The following VIPR2 variants were observed in gnomAD, a reference collection of about 807,000 sequenced individuals.
The protein encoded by VIPR2 is vasoactive intestinal polypeptide receptor 2.
VIPR2 carries 48 observed loss-of-function variants against 58.0 expected under a neutral mutation model. That is an observed-to-expected ratio of 0.83 (90% CI 0.66 to 1.05). VIPR2 has a LOEUF of 1.05. VIPR2 is among the 50% of genes least tolerant of loss of function. The probability of loss-of-function intolerance (pLI) is 0.00; values close to 1 mark genes in which losing one functional copy is unlikely to be tolerated. For synonymous variants in VIPR2, 243 were observed against 235.2 expected, an observed-to-expected ratio of 1.03 and a Z score of -0.30; for missense variants, 534 against 558.0, an observed-to-expected ratio of 0.96 and a Z score of 0.43.
chr7:159,033,586 G>A (rs1270188479), intron 10 of VIPR2, among the ~76,000 whole-genome samples: 1 of 152,190 alleles, frequency 6.6e-6, no homozygotes, highest in Non-Finnish European at 1.5e-5. Context: ...GGGGGTGACT[G>A]GCTGAACGTC....
intron 4 of VIPR2, among the ~76,000 whole-genome samples, chr7:159,088,398 A>G (rs1174519034): frequency 2.0e-5 from 3 of 152,016 alleles, no homozygotes; most frequent in Admixed American, 6.6e-5. Context: ...CACAAGCTGC[A>G]GCACAGCTGT....
chr7:159,058,555 C>T lies in VIPR2; in HGVS notation c.381G>A (p.Lys127=), dbSNP rs779679214. 6.2e-7 allele frequency: 1 copy of T among 1,612,748 alleles called. No homozygotes were observed. The highest frequency in any genetic ancestry group is 8.5e-7 in the Non-Finnish European group (1 of 1,178,910). Reference sequence around the variant, plus strand: ...CACTGTAGCCCAGTGTATAAATGGCCTTCACCAGAATATAAAACGTGATCT... The same window carrying T: ...CACTGTAGCCCAGTGTATAAATGGCTTTCACCAGAATATAAAACGTGATCT... ...ESKITFYILV[K]AIYTLGYSVS... is the part of the protein sequence containing the mutation. The change falls in exon 5 of 13, where the codon AAG becomes AAA. Residue 127 remains lysine, a synonymous_variant. Transcript: ENST00000262178.
rs1858086295 is a variant in VIPR2, at chr7:159,099,634, G to A, written c.357+4123C>T. Among the ~76,000 whole-genome samples the A allele has an allele frequency of 6.6e-6, 1 of 152,176 alleles. No individual in the cohort carries two copies. The highest frequency in any genetic ancestry group is 6.5e-5 in the Admixed American group (1 of 15,282). The stretch of plus-strand genomic sequence containing the variant: ...GGGGCTCTGGGTGACGCTGCTGGGG[G>A]CCTTGGTCTCTGCTCTTCACCAGCA... On this transcript the variant is annotated intron_variant, in intron 4 of 12. Transcript: ENST00000262178. This position sits in a 1 kb window ranked among gnomAD's most constrained non-coding sequence, Gnocchi z 4.2.
rs115578051 is a variant in VIPR2, at chr7:159,096,345, G to A, written c.357+7412C>T. Among the ~76,000 whole-genome samples, 865 of 152,258 alleles carry A rather than the reference G, an allele frequency of 5.7e-3. 7 individuals are homozygous for A. Among genetic ancestry groups the A allele is most frequent in the African/African-American group, 0.02 (826 of 41,552 alleles). Reference sequence around the variant, plus strand: ...CACGTACCTCCCCTCCTCCGGCATCGGCCAGCTCCATGCCCAGAAGCGCCT... The same window carrying A: ...CACGTACCTCCCCTCCTCCGGCATCAGCCAGCTCCATGCCCAGAAGCGCCT... On this transcript the variant is annotated intron_variant, in intron 4 of 12. Coordinates refer to ENST00000262178, the MANE Select transcript of VIPR2 (RefSeq NM_003382.5). This position sits in a 1 kb window ranked among gnomAD's most constrained non-coding sequence, Gnocchi z 5.5.
Position 159,046,073 on chromosome 7 carries a change from T to C in VIPR2, c.456-2897A>G, listed in dbSNP as rs546074009. Among the ~76,000 whole-genome samples the C allele has an allele frequency of 1.9e-4, 29 of 151,960 alleles. No homozygotes were observed. In the South Asian group the frequency reaches 5.6e-3, roughly 29 times the overall value. On this transcript the variant is annotated intron_variant, in intron 5 of 12. Coordinates refer to ENST00000262178, the MANE Select transcript of VIPR2 (RefSeq NM_003382.5). ...ATAATAATAAATTAAGAAAACAAAA[T>C]AAAAAGTATTGGATGGGTGTGAAGA...
At chr7:159,035,352 G>A (rs1416641639) in intron 8 of VIPR2, among the ~76,000 whole-genome samples, 1 of 152,228 alleles carries the variant, frequency 6.6e-6, no homozygotes, top group Non-Finnish European at 1.5e-5. Flanking sequence ...GTCATCAGGT[G>A]CAGAATCACA....
At chr7:159,074,168 AACTAT>A (rs1357616244) in intron 4 of VIPR2, among the ~76,000 whole-genome samples, 2 of 152,228 alleles carry the variant, frequency 1.3e-5, no homozygotes, top group African/African-American at 2.4e-5. Context: ...TAATCAGTAA[AACTAT>A]CAAGTAAATT....
chr7:159,042,970 C>T (rs745626616), intron 6 of VIPR2, 65 bp downstream of exon 6: 137 of 1,566,796 alleles, frequency 8.7e-5, no homozygotes, highest in Non-Finnish European at 1.1e-4. Context: ...ACGTCCTCAT[C>T]GTGAGAAGAG....
chr7:159,121,057 TG>T (rs1173358190), intron 2 of VIPR2, among the ~76,000 whole-genome samples: 1 of 152,132 alleles, frequency 6.6e-6, no homozygotes, highest in East Asian at 1.9e-4. Context: ...AAATAACCTT[TG>T]GGGCAGAAAC....
In VIPR2 at chr7:159,034,249, G is replaced by T; in HGVS notation, c.935C>A (p.Ser312Tyr). The T allele has an allele frequency of 1.2e-6, 2 of 1,614,094 alleles. No individual in the cohort carries two copies. The highest frequency in any genetic ancestry group is 1.1e-5 in the South Asian group (1 of 91,086). Residue 312 changes from serine (S) to tyrosine (Y), a missense_variant, in exon 10 of 13, where the codon TCC becomes TAC. Physicochemically the swap from Ser to Tyr is moderately radical, Grantham distance 144 (BLOSUM62 -2). Around this residue, in one of 3 missense-constraint regions of VIPR2, gnomAD observed 306 missense variants for 285.8 expected, o/e 1.07. Coordinates refer to ENST00000262178, the MANE Select transcript of VIPR2 (RefSeq NM_003382.5). ...CTGGTCGTTGCCGCCGACATCTGGG[G>T]ATGTTAACTTCTGCAGCAAAATTCG... is the stretch of plus-strand genomic sequence containing the variant. ...IIRILLQKLT[S>Y]PDVGGNDQSQ...
intron 4 of VIPR2, among the ~76,000 whole-genome samples, chr7:159,076,817 A>T (rs73730151): frequency 0.046 from 6,971 of 152,220 alleles, 279 homozygotes; most frequent in African/African-American, 0.11. Flanking sequence ...TAGTTTTTTT[A>T]AAAAAAGAAA....
chr7:159,034,186 G>A, intron 10 of VIPR2, 27 bp downstream of exon 10: 1 of 1,611,476 alleles, frequency 6.2e-7, no homozygotes, highest in Non-Finnish European at 8.5e-7. Flanking sequence ...CCCCATCAGG[G>A]ACGGCCAGGC....
At position 159,031,609 on chromosome 7, in the gene VIPR2, TGGACGGAA is replaced by T; in HGVS notation, c.1143+211_1143+218del. 1.0e-6 allele frequency: 1 copy of T among 984,698 alleles called. No homozygotes were observed. The highest frequency in any genetic ancestry group is 1.2e-6 in the Non-Finnish European group (1 of 829,744). The allele number at this position is 984,698 out of a possible 1,614,324, so 61.0% of individuals were successfully genotyped here. A position where few individuals can be genotyped will look rare whatever the true frequency, so the allele number is the denominator to read the frequency against. ...GGACGGCAGTCGATGCTACTTAGGG[TGGACGGAA>T]GGACGGCGGGGTTTGGAAGCTGGGC... On this transcript the variant is annotated intron_variant, in intron 12 of 12. Coordinates refer to ENST00000262178, the MANE Select transcript of VIPR2 (RefSeq NM_003382.5). This position sits in a 1 kb window ranked among gnomAD's most constrained non-coding sequence, Gnocchi z 4.0.
intron 5 of VIPR2, among the ~76,000 whole-genome samples, chr7:159,058,216 C>T (rs974609233): frequency 4.6e-5 from 7 of 152,176 alleles, no homozygotes; most frequent in African/African-American, 7.2e-5. Context: ...GTATTTTCCA[C>T]GCATTTGCAT....
intron 2 of VIPR2, among the ~76,000 whole-genome samples, chr7:159,130,403 C>T (rs1796850965): frequency 6.6e-6 from 1 of 152,114 alleles, no homozygotes; most frequent in Non-Finnish European, 1.5e-5. Flanking sequence ...CCCCAGTTAC[C>T]CCTGCAGATG....
intron 6 of VIPR2, among the ~76,000 whole-genome samples, chr7:159,041,429 G>C (rs534599333): frequency 1.2e-3 from 182 of 145,642 alleles, no homozygotes; most frequent in Middle Eastern, 3.5e-3. Context: ...AGGGTCCTGA[G>C]GGTCTGTCGA....
intron 4 of VIPR2, among the ~76,000 whole-genome samples, chr7:159,070,654 G>T (rs73730145): frequency 0.046 from 6,990 of 152,196 alleles, 287 homozygotes; most frequent in African/African-American, 0.11. Flanking sequence ...TTTGTTTTGG[G>T]AACTGTCCCA....
At chr7:159,113,527 G>T (rs183425545) in intron 2 of VIPR2, among the ~76,000 whole-genome samples, 8 of 152,190 alleles carry the variant, frequency 5.3e-5, no homozygotes, top group Admixed American at 1.3e-4. Context: ...TCTGCAGCTC[G>T]TCCTGCTACA....
In VIPR2 at chr7:159,117,172, C is replaced by T. The variant is rs142210270; in HGVS notation, c.152-7253G>A. ...CACAGGACGGAGTGCGGGAGCCAGC[C>T]GAGCAGTCGGGCTTCTGGGTCACTG... On this transcript the variant is annotated intron_variant, in intron 2 of 12. Coordinates refer to ENST00000262178, the MANE Select transcript of VIPR2 (RefSeq NM_003382.5). 966 of 627,620 alleles carry T rather than the reference C, an allele frequency of 1.5e-3. 9 individuals are homozygous for T. The highest frequency in any genetic ancestry group is 0.015 in the African/African-American group (827 of 54,538). The allele number at this position is 627,620 out of a possible 1,614,324, so 38.9% of individuals were successfully genotyped here.
Sources: gnomAD v4.1 joint callset for allele counts (sites outside exome capture counted in the v4.1 genomes callset) on GRCh38, gnomAD v4.1.1 for gene constraint, gnomAD v4.1.1 regional missense constraint, Gnocchi (gnomAD v3.1) non-coding constraint, MANE v1.5 for transcripts, NCBI Gene and HGNC (gene_info 2026-07-23, HGNC 2026-07-21) for gene names.